Variants in AKR1C2 observed in about 807,000 individuals in gnomAD.
AKR1C2 encodes aldo-keto reductase family 1 member C2, also known as 3-alpha-HSD3.
In AKR1C2, 27 loss-of-function variants were observed where a neutral mutation model predicts 39.8. That is an observed-to-expected ratio of 0.68 (90% confidence interval 0.50 to 0.93). The LOEUF (loss-of-function observed/expected upper bound fraction) is 0.93. Ranked by LOEUF, AKR1C2 falls within the 40% of genes least tolerant of loss-of-function variation. AKR1C2 has a pLI of 0.00. For missense variants in AKR1C2, 263 were observed against 365.1 expected, an observed-to-expected ratio of 0.72 and a Z score of 2.28; for synonymous variants, 114 against 137.9, an observed-to-expected ratio of 0.83 and a Z score of 1.22.
chr10:5,012,276 C>T (rs187319397), intron 1 of AKR1C2, among the ~76,000 whole-genome samples: 112 of 152,028 alleles, frequency 7.4e-4, no homozygotes, highest in Admixed American at 3.8e-3. Context: ...GTACAGTAGG[C>T]TCAATACTGC....
intron 7 of AKR1C2, among the ~76,000 whole-genome samples, chr10:4,994,356 T>C (rs1836956759): frequency 6.6e-6 from 1 of 152,138 alleles, no homozygotes; most frequent in South Asian, 2.1e-4. Flanking sequence ...GAACATGCCC[T>C]CTAACAATCA....
At chr10:4,999,446 C>T in intron 3 of AKR1C2, 169 bp from the exon 4 acceptor site, 1 of 1,465,382 alleles carries the variant, frequency 6.8e-7, no homozygotes, top group Non-Finnish European at 9.2e-7. Context: ...GGAATGTCTT[C>T]AGGTGACAGG....
intron 3 of AKR1C2, chr10:4,999,526 C>G: frequency 6.8e-6 from 4 of 589,156 alleles, no homozygotes; most frequent in Non-Finnish European, 1.1e-5. Flanking sequence ...AATGGAGTGT[C>G]ATCATTGACT....
chr10:5,009,486 T>C (rs1337465969), intron 1 of AKR1C2, among the ~76,000 whole-genome samples: 3 of 151,796 alleles, frequency 2.0e-5, no homozygotes, highest in Non-Finnish European at 4.4e-5. Flanking sequence ...AGAAAAGTAT[T>C]AATATTATAG....
At chr10:5,006,893 C>G (rs1281187169), upstream of AKR1C2, among the ~76,000 whole-genome samples, 25 of 151,784 alleles carry the variant, frequency 1.6e-4, no homozygotes, top group African/African-American at 5.8e-4. Context: ...CCTGCCTCAG[C>G]CTCCTGAGTA....
intron 1 of AKR1C2, among the ~76,000 whole-genome samples, chr10:5,011,134 T>G (rs569770445): frequency 2.6e-4 from 39 of 150,834 alleles, no homozygotes; most frequent in African/African-American, 8.7e-4. Flanking sequence ...TATCCAAAAT[T>G]TATAAGGAAC....
chr10:5,000,173 G>A (rs1588304274), intron 3 of AKR1C2: 10 of 1,374,194 alleles, frequency 7.3e-6, no homozygotes, highest in Non-Finnish European at 8.4e-6. Context: ...AACTCATTGT[G>A]CACCCTATGT....
At chr10:5,014,331 A>G (rs1837589206) in intron 1 of AKR1C2, among the ~76,000 whole-genome samples, 2 of 152,170 alleles carry the variant, frequency 1.3e-5, no homozygotes, top group Admixed American at 1.3e-4. Context: ...TGCTATGGTT[A>G]CTGGGCTCGT....
chr10:5,004,377 T>G (rs1280834935), upstream of AKR1C2, among the ~76,000 whole-genome samples: 1 of 152,228 alleles, frequency 6.6e-6, no homozygotes, highest in South Asian at 2.1e-4. Flanking sequence ...ATCAGCAAAT[T>G]TATTGTTCCT....
rs150601143 is a variant in AKR1C2 at position 5,014,520 on chromosome 10, A to T, written c.-88+3380T>A. Among the ~76,000 whole-genome samples the T allele has an allele frequency of 6.7e-3, 1,027 of 152,160 alleles. 15 individuals are homozygous for T. The highest frequency in any genetic ancestry group is 0.024 in the African/African-American group (976 of 41,478). ...TTGGCATCCAAACCACGCCTTCATC[A>T]TTTAGTTTTCAACCTTTCTTATCTT... is the stretch of plus-strand genomic sequence containing the variant. On this transcript the variant is annotated intron_variant, in intron 1 of 6. Coordinates refer to the AKR1C2 transcript ENST00000604507.
rs1564330201 is a variant in AKR1C2, at chr10:4,998,536, A to G, written c.570+89T>C. 5 of 1,572,688 alleles carry G rather than the reference A, an allele frequency of 3.2e-6. No homozygotes were observed. The East Asian group carries it at 1.1e-4, about 35-fold the overall frequency. On this transcript the variant is annotated intron_variant, in intron 5 of 8. Coordinates refer to ENST00000380753, the MANE Select transcript of AKR1C2 (RefSeq NM_001393392.1). ...CTCTAGAATCTTCTCTTTTACAAAGATAAGTGGGACTAAATGAATGGATAC... is the reference window on the plus strand; with the variant it reads ...CTCTAGAATCTTCTCTTTTACAAAGGTAAGTGGGACTAAATGAATGGATAC...
At chr10:5,008,954 TCA>T (rs1160159461), upstream of AKR1C2, among the ~76,000 whole-genome samples, 2 of 152,180 alleles carry the variant, frequency 1.3e-5, no homozygotes, top group Non-Finnish European at 2.9e-5. Flanking sequence ...CACTTGAGCC[TCA>T]CAGAGGTTTG....
intron 7 of AKR1C2, among the ~76,000 whole-genome samples, chr10:4,993,931 G>A (rs1432724271): frequency 2.7e-5 from 4 of 150,724 alleles, no homozygotes; most frequent in Non-Finnish European, 4.4e-5. Flanking sequence ...ATTCTCTAAT[G>A]TCCAAAAATA....
intron 1 of AKR1C2, among the ~76,000 whole-genome samples, chr10:5,015,649 C>T (rs782405376): frequency 6.6e-6 from 1 of 152,100 alleles, no homozygotes; most frequent in Non-Finnish European, 1.5e-5. Context: ...GTTGCAAACC[C>T]CACCTTCCCA....
In AKR1C2 at chr10:5,003,809, C is replaced by T. The variant is rs550834230; in HGVS notation, c.27G>A (p.Lys9=). The change falls in exon 1 of 9, where the codon AAG becomes AAA. Residue 9 remains lysine (K), a synonymous_variant. Coordinates refer to ENST00000380753, the MANE Select transcript of AKR1C2 (RefSeq NM_001393392.1). MDSKYQCV[K]LNDGHFMPVL... is the part of the protein sequence containing the mutation. ...CAGGCATGAAGTGACCATCATTCAG[C>T]TTCACACACTGGTATTTCGAATCCA... 2 of 1,614,154 alleles carry T rather than the reference C, an allele frequency of 1.2e-6. No homozygotes were observed. The highest frequency in any genetic ancestry group is 3.3e-5 in the Admixed American group (2 of 60,020).
chr10:5,013,776 C>T (rs1247584475), intron 1 of AKR1C2, among the ~76,000 whole-genome samples: 4 of 152,174 alleles, frequency 2.6e-5, no homozygotes, highest in Non-Finnish European at 5.9e-5. Flanking sequence ...GTCCATCAAC[C>T]TTATTGAGCA....
intron 8 of AKR1C2, among the ~76,000 whole-genome samples, chr10:4,990,958 A>G (rs1836820273): frequency 2.0e-5 from 3 of 151,322 alleles, no homozygotes; most frequent in Middle Eastern, 6.8e-3. Context: ...ATGATGTACC[A>G]TTGTGCTTGT....
At chr10:5,005,597 C>G (rs556495607), upstream of AKR1C2, among the ~76,000 whole-genome samples, 1 of 152,078 alleles carries the variant, frequency 6.6e-6, no homozygotes, top group Non-Finnish European at 1.5e-5. Context: ...GCAGAGGAAT[C>G]GCTTGAACCC....
At chr10:5,015,489 G>C (rs1554775285) in intron 1 of AKR1C2, among the ~76,000 whole-genome samples, 1 of 152,086 alleles carries the variant, frequency 6.6e-6, no homozygotes, top group Non-Finnish European at 1.5e-5. Context: ...TGTAGACACA[G>C]AACTACCCTC....
Sources: allele counts gnomAD v4.1 joint callset (sites outside exome capture counted in the v4.1 genomes callset), GRCh38; gene constraint gnomAD v4.1.1; transcripts MANE v1.5; gene names NCBI Gene and HGNC (gene_info 2026-07-23, HGNC 2026-07-21).